TOP6BL: variants seen among roughly 807,000 people sequenced by gnomAD.
TOP6BL encodes the protein type 2 DNA topoisomerase 6 subunit B-like.
chr11:66,830,858 A>G, the TOP6BL span, among the ~76,000 whole-genome samples: 1 of 152,222 alleles, frequency 6.6e-6, no homozygotes, highest in Non-Finnish European at 1.5e-5. Flanking sequence ...TGTTTTTAAA[A>G]TTGAATGTTT....
the TOP6BL span, among the ~76,000 whole-genome samples, chr11:66,842,502 C>T: frequency 6.6e-6 from 1 of 152,138 alleles, no homozygotes; most frequent in Non-Finnish European, 1.5e-5. Flanking sequence ...AGAACTGAGG[C>T]CAGAAAGGTG....
the TOP6BL span, among the ~76,000 whole-genome samples, chr11:66,806,957 A>G: frequency 6.6e-6 from 1 of 152,224 alleles, no homozygotes; most frequent in Non-Finnish European, 1.5e-5. Flanking sequence ...ACAGTATAGA[A>G]TAAATAAGTT....
chr11:66,770,156 C>T, the TOP6BL span, among the ~76,000 whole-genome samples: 6 of 152,146 alleles, frequency 3.9e-5, no homozygotes. Flanking sequence ...AATGAGAAGG[C>T]AGCTATCTGA....
At chr11:66,800,980 G>A in the TOP6BL span, 1 of 1,589,358 alleles carries the variant, frequency 6.3e-7, no homozygotes, top group Admixed American at 1.7e-5. Flanking sequence ...GTCAAACAGA[G>A]ATTGATTTTA....
the TOP6BL span, among the ~76,000 whole-genome samples, chr11:66,747,719 A>G: frequency 6.6e-5 from 10 of 152,118 alleles, no homozygotes; most frequent in African/African-American, 2.2e-4. Context: ...TATGGGCTCA[A>G]GAGATCATCC....
the TOP6BL span, among the ~76,000 whole-genome samples, chr11:66,773,438 A>T: frequency 6.6e-6 from 1 of 152,158 alleles, no homozygotes; most frequent in East Asian, 1.9e-4. Context: ...ATTGACATAA[A>T]ATTGTTCATA....
At chr11:66,809,182 G>C in the TOP6BL span, among the ~76,000 whole-genome samples, 1 of 152,162 alleles carries the variant, frequency 6.6e-6, no homozygotes, top group African/African-American at 2.4e-5. Context: ...TTTAAGAACA[G>C]AATAATCAAG....
chr11:66,774,522 C>T, the TOP6BL span, among the ~76,000 whole-genome samples: 7 of 152,078 alleles, frequency 4.6e-5, no homozygotes, highest in Admixed American at 1.3e-4. Context: ...GGCACAATCT[C>T]GGCTCACTGC....
chr11:66,796,484 A>T, the TOP6BL span: 1 of 780,700 alleles, frequency 1.3e-6, no homozygotes, highest in African/African-American at 1.7e-5. Context: ...GAAGATGATT[A>T]AAACGTTTAA....
At chr11:66,803,488 G>A in the TOP6BL span, among the ~76,000 whole-genome samples, 1 of 152,156 alleles carries the variant, frequency 6.6e-6, no homozygotes, top group Non-Finnish European at 1.5e-5. Context: ...GAGTGCAGTG[G>A]CGCAATATCA....
the TOP6BL span, among the ~76,000 whole-genome samples, chr11:66,760,507 A>G: frequency 6.6e-6 from 1 of 150,478 alleles, no homozygotes; most frequent in African/African-American, 2.4e-5. Flanking sequence ...GGCCAGGCAC[A>G]GTGGCTCATG....
the TOP6BL span, among the ~76,000 whole-genome samples, chr11:66,808,278 T>C: frequency 3.3e-5 from 5 of 152,340 alleles, no homozygotes; most frequent in South Asian, 4.1e-4. Context: ...TTCACACCTA[T>C]AATCTCAGCA....
the TOP6BL span, chr11:66,838,235 A>G: frequency 4.3e-6 from 3 of 691,702 alleles, no homozygotes; most frequent in Non-Finnish European, 7.5e-6. Flanking sequence ...TTCATGAGCC[A>G]GGAGGAAGAG....
At chr11:66,830,257 C>T in the TOP6BL span, among the ~76,000 whole-genome samples, 3 of 152,112 alleles carry the variant, frequency 2.0e-5, no homozygotes, top group African/African-American at 7.2e-5. Context: ...AGAAAGCTAT[C>T]TAGAAAATCC....
At chr11:66,793,229 G>A in the TOP6BL span, among the ~76,000 whole-genome samples, 1 of 151,586 alleles carries the variant, frequency 6.6e-6, no homozygotes, top group Non-Finnish European at 1.5e-5. Context: ...GGGATTACAG[G>A]TGCACGCCAT....
the TOP6BL span, among the ~76,000 whole-genome samples, chr11:66,749,588 G>A: frequency 6.6e-6 from 1 of 151,960 alleles, no homozygotes; most frequent in African/African-American, 2.4e-5. Context: ...TATTTATTTA[G>A]AGATGGAGTC....
chr11:66,840,174 G>A, the TOP6BL span, among the ~76,000 whole-genome samples: 1 of 152,146 alleles, frequency 6.6e-6, no homozygotes, highest in Admixed American at 6.5e-5. Context: ...GTGTGTTGAT[G>A]CCACCATCCA....
chr11:66,819,748 C>T, the TOP6BL span, among the ~76,000 whole-genome samples: 1 of 151,902 alleles, frequency 6.6e-6, no homozygotes, highest in Non-Finnish European at 1.5e-5. Flanking sequence ...ACTAAAAATA[C>T]AAAAATTAGC....
At chr11:66,799,402 A>AT in the TOP6BL span, among the ~76,000 whole-genome samples, 1 of 150,618 alleles carries the variant, frequency 6.6e-6, no homozygotes, top group Non-Finnish European at 1.5e-5. Flanking sequence ...AAAAAAAAGA[A>AT]TGTCTTTTTC....
Sources: gnomAD v4.1 joint callset for allele counts (sites outside exome capture counted in the v4.1 genomes callset) on GRCh38, gnomAD v4.1.1 for gene constraint, MANE v1.5 for transcripts, NCBI Gene and HGNC (gene_info 2026-07-23, HGNC 2026-07-21) for gene names.